Variants in GPHN observed in about 807,000 individuals in gnomAD.
GPHN encodes gephyrin.
Under a neutral mutation model 95.5 loss-of-function variants are expected in GPHN, and 17 were observed. That is an observed-to-expected ratio of 0.18 (90% CI 0.12 to 0.27). GPHN has a LOEUF of 0.27. GPHN is among the 10% of genes least tolerant of loss of function. GPHN has a pLI of 1.00. For missense variants in GPHN, 660 were observed against 978.1 expected (o/e 0.67, Z 4.34); for synonymous variants, 320 against 322.5 (o/e 0.99, Z 0.08).
intron 9 of GPHN, among the ~76,000 whole-genome samples, chr14:67,013,620 T>A (rs747428992): frequency 6.6e-6 from 1 of 152,064 alleles, no homozygotes; most frequent in Non-Finnish European, 1.5e-5. Flanking sequence ...CTTGCTACTT[T>A]ACTAGTGCAG....
the GPHN span, among the ~76,000 whole-genome samples, chr14:67,575,012 G>T: frequency 6.6e-6 from 1 of 152,298 alleles, no homozygotes; most frequent in Admixed American, 6.5e-5. Context: ...TGCAGCTTCT[G>T]TTCCTTCATG....
the GPHN span, among the ~76,000 whole-genome samples, chr14:67,694,780 T>C: frequency 1.3e-5 from 2 of 152,074 alleles, no homozygotes; most frequent in Non-Finnish European, 2.9e-5. Flanking sequence ...TAGGTGACTG[T>C]GGTAAGAAAT....
the GPHN span, among the ~76,000 whole-genome samples, chr14:67,326,981 C>G: frequency 1.1e-4 from 17 of 152,036 alleles, no homozygotes; most frequent in East Asian, 3.3e-3. Context: ...TTGAGACCAG[C>G]CTGGCTAACA....
chr14:66,687,486 G>GTTTT (rs1200775448), intron 2 of GPHN, among the ~76,000 whole-genome samples: 12 of 124,938 alleles, frequency 9.6e-5, no homozygotes, highest in Admixed American at 1.7e-4. Context: ...ATTTTATTTG[G>GTTTT]TTTTTTTTTT....
chr14:67,473,482 C>G, the GPHN span: 1 of 1,614,188 alleles, frequency 6.2e-7, no homozygotes, highest in South Asian at 1.1e-5. The surrounding 1 kb of genome is among the most constrained non-coding windows in gnomAD (Gnocchi z 6.5). Context: ...CCGGGCTCAG[C>G]GTCCTTGTCG....
At chr14:67,610,096 G>C in the GPHN span, among the ~76,000 whole-genome samples, 3 of 151,540 alleles carry the variant, frequency 2.0e-5, no homozygotes, top group African/African-American at 7.3e-5. Flanking sequence ...TGGCTGCTTC[G>C]AGGGTTGCCA....
chr14:66,994,686 GAC>G (rs747270682), intron 9 of GPHN, among the ~76,000 whole-genome samples: 16 of 152,304 alleles, frequency 1.1e-4, no homozygotes, highest in Admixed American at 2.6e-4. Context: ...CATAGATATA[GAC>G]ACAGAACAAA....
At chr14:67,579,961 G>C in the GPHN span, 1 of 1,299,388 alleles carries the variant, frequency 7.7e-7, no homozygotes, top group Non-Finnish European at 1.1e-6. Flanking sequence ...ATGGGTGTCT[G>C]ACTGTTTGGT....
the GPHN span, chr14:67,645,550 TGGA>T: frequency 1.4e-6 from 2 of 1,431,806 alleles, no homozygotes; most frequent in Non-Finnish European, 1.9e-6. Context: ...CTTTGCACTG[TGGA>T]GAGAGTATAA....
At chr14:67,203,335 G>T in the GPHN span, 1 of 1,484,292 alleles carries the variant, frequency 6.7e-7, no homozygotes, top group Non-Finnish European at 9.1e-7. Context: ...CTCAGAAGAT[G>T]TGCATTAGCC....
At chr14:66,946,429 A>G in intron 8 of GPHN, among the ~76,000 whole-genome samples, 2 of 152,254 alleles carry the variant, frequency 1.3e-5, no homozygotes, top group East Asian at 1.9e-4. Flanking sequence ...TTTTTGACAC[A>G]GAGTCTCACT....
At chr14:66,695,883 A>C (rs1014917373) in intron 2 of GPHN, among the ~76,000 whole-genome samples, 2 of 152,222 alleles carry the variant, frequency 1.3e-5, no homozygotes, top group Non-Finnish European at 2.9e-5. Context: ...CAGAGTACAG[A>C]GGATTTTTAG....
At chr14:67,603,996 G>T in the GPHN span, among the ~76,000 whole-genome samples, 39 of 150,222 alleles carry the variant, frequency 2.6e-4, no homozygotes, top group Non-Finnish European at 3.4e-4. Context: ...CTTGTTTTTT[G>T]TTTTTGTTTT....
the GPHN span, among the ~76,000 whole-genome samples, chr14:67,463,101 GA>G: frequency 6.6e-6 from 1 of 152,194 alleles, no homozygotes; most frequent in Non-Finnish European, 1.5e-5. Flanking sequence ...AGTTGGCTGT[GA>G]AAAATCCCTG....
At chr14:67,572,368 T>C in the GPHN span, 2 of 1,044,566 alleles carry the variant, frequency 1.9e-6, no homozygotes, top group East Asian at 3.1e-5. Context: ...AGTAGCTGCC[T>C]GAAGTGAGGG....
chr14:67,555,072 T>C, the GPHN span, among the ~76,000 whole-genome samples: 35,488 of 151,800 alleles, frequency 0.23, 4,477 homozygotes, highest in East Asian at 0.48. Flanking sequence ...ACCGCCACGC[T>C]CAGCTAATTA....
At chr14:66,573,036 T>G (rs1400920169) in intron 1 of GPHN, among the ~76,000 whole-genome samples, 1 of 152,242 alleles carries the variant, frequency 6.6e-6, no homozygotes, top group Non-Finnish European at 1.5e-5. Flanking sequence ...CTACCACATT[T>G]CATATCATTG....
At chr14:67,668,804 T>G in the GPHN span, among the ~76,000 whole-genome samples, 1 of 152,226 alleles carries the variant, frequency 6.6e-6, no homozygotes, top group Non-Finnish European at 1.5e-5. Context: ...CCTGAGAATT[T>G]GCATTTCTAA....
chr14:67,252,591 T>C, the GPHN span, among the ~76,000 whole-genome samples: 4 of 152,126 alleles, frequency 2.6e-5, no homozygotes, highest in Non-Finnish European at 4.4e-5. Context: ...AGCCATTAGC[T>C]TGTGGGATCT....
Sources: allele counts gnomAD v4.1 joint callset (sites outside exome capture counted in the v4.1 genomes callset), GRCh38; gene constraint gnomAD v4.1.1; non-coding constraint Gnocchi (gnomAD v3.1); transcripts MANE v1.5; gene names NCBI Gene and HGNC (gene_info 2026-07-23, HGNC 2026-07-21).